Variants in PCDHA8 observed in about 807,000 individuals in gnomAD.
PCDHA8 encodes the protein protocadherin alpha 8, also known as protocadherin alpha-8.
A neutral mutation model predicts 61.8 loss-of-function variants in PCDHA8; 53 were observed. The ratio of observed to expected loss-of-function variants is 0.86; its 90% confidence interval spans 0.69 to 1.08. The LOEUF is 1.08. Ranked by LOEUF, PCDHA8 falls within the 50% of genes least tolerant of loss-of-function variation. The pLI is 0.00. For missense variants in PCDHA8, 1,293 were observed against 1,245.0 expected (o/e 1.04, Z -0.58); for synonymous variants, 618 against 556.6 (o/e 1.11, Z -1.55).
chr5:140,968,637 T>C, intron 1 of PCDHA8: 1 of 1,614,208 alleles, frequency 6.2e-7, no homozygotes. Flanking sequence ...TTTTACCATC[T>C]AGCCCAGACT....
chr5:140,971,529 T>G (rs782358590), intron 1 of PCDHA8, among the ~76,000 whole-genome samples: 1 of 152,176 alleles, frequency 6.6e-6, no homozygotes, highest in East Asian at 1.9e-4. Flanking sequence ...GTTCTGAAAG[T>G]CATCATTGCC....
intron 1 of PCDHA8, among the ~76,000 whole-genome samples, chr5:140,875,095 G>A (rs2055270565): frequency 6.6e-6 from 1 of 152,156 alleles, no homozygotes; most frequent in Non-Finnish European, 1.5e-5. Context: ...AATTGTTGAT[G>A]TTTTGTTACT....
chr5:140,999,877 G>A (rs1194481133), intron 3 of PCDHA8, among the ~76,000 whole-genome samples: 1 of 152,152 alleles, frequency 6.6e-6, no homozygotes, highest in Admixed American at 6.5e-5. Flanking sequence ...CTGAAAATTA[G>A]CCCAGCTGTA....
At chr5:140,900,941 C>T (rs1241522274) in intron 1 of PCDHA8, among the ~76,000 whole-genome samples, 1 of 152,140 alleles carries the variant, frequency 6.6e-6, no homozygotes, top group African/African-American at 2.4e-5. Flanking sequence ...TTTTGATTTG[C>T]ATTTCTCTGA....
chr5:140,875,340 C>A, intron 1 of PCDHA8: 1 of 1,442,242 alleles, frequency 6.9e-7, no homozygotes, highest in Non-Finnish European at 9.1e-7. Flanking sequence ...AGGATCGACT[C>A]CATAATGACT....
chr5:140,924,472 G>A (rs938412564), intron 1 of PCDHA8, among the ~76,000 whole-genome samples: 1 of 152,188 alleles, frequency 6.6e-6, no homozygotes, highest in African/African-American at 2.4e-5. Flanking sequence ...GAGGTAACTG[G>A]TTTTTAGTGG....
chr5:140,877,480 G>A (rs782077464), intron 1 of PCDHA8: 3 of 1,613,888 alleles, frequency 1.9e-6, no homozygotes, highest in Non-Finnish European at 8.5e-7. Context: ...GGTGTCGCTG[G>A]TGGAGAACGG....
rs1554151138 is a variant in PCDHA8, at chr5:140,858,086, C to A, written c.2394+14371C>A. The A allele has an allele frequency of 2.5e-6, 4 of 1,597,802 alleles. 1 individual carries two copies. Among genetic ancestry groups the A allele is most frequent in the Non-Finnish European group, 2.6e-6 (3 of 1,167,670 alleles). On this transcript the variant is annotated intron_variant, in intron 1 of 3. Transcript: ENST00000531613. The stretch of plus-strand genomic sequence containing the variant: ...CAGCCAGGCACCCAAGGCCTCGTCG[C>A]GGGCTTCAGTGGGCGTGGCGCCCGA...
At position 140,858,437 on chromosome 5, in the gene PCDHA8, G is replaced by T. The variant is rs1343643925; in HGVS notation, c.2394+14722G>T. The T allele has an allele frequency of 4.5e-6, 7 of 1,541,950 alleles. 1 individual carries two copies. In the Admixed American group the frequency reaches 1.4e-4, roughly 30 times the overall value. Reference sequence around the variant, plus strand: ...TATTGGAGGGGACCACTCTAGGAAGGTGGGTTATTACGTTTTCATTTTCCT... The same window carrying T: ...TATTGGAGGGGACCACTCTAGGAAGTTGGGTTATTACGTTTTCATTTTCCT... On this transcript the variant is annotated intron_variant, in intron 1 of 3. Coordinates refer to ENST00000531613, the MANE Select transcript of PCDHA8 (RefSeq NM_018911.3).
At chr5:140,968,881 C>A in intron 1 of PCDHA8, 1 of 1,614,154 alleles carries the variant, frequency 6.2e-7, no homozygotes, top group Non-Finnish European at 8.5e-7. Context: ...CTGAAATTAC[C>A]CTTTATCTAA....
chr5:140,850,595 G>A (rs2150490707), intron 1 of PCDHA8: 2 of 1,598,512 alleles, frequency 1.3e-6, no homozygotes, highest in East Asian at 4.5e-5. Flanking sequence ...ACGTGTACCT[G>A]ATCATCGCCA....
intron 1 of PCDHA8, chr5:140,882,370 C>T: frequency 6.2e-7 from 1 of 1,614,220 alleles, no homozygotes; most frequent in Non-Finnish European, 8.5e-7. Context: ...TCCACTACTC[C>T]GTCCCCGAGG....
intron 1 of PCDHA8, among the ~76,000 whole-genome samples, chr5:140,913,185 G>A (rs1331767738): frequency 2.6e-5 from 4 of 152,166 alleles, no homozygotes; most frequent in African/African-American, 9.7e-5. Flanking sequence ...TAAATGTTTG[G>A]TAGAATTTGG....
intron 1 of PCDHA8, among the ~76,000 whole-genome samples, chr5:140,965,210 T>C (rs1554227481): frequency 6.6e-6 from 1 of 152,214 alleles, no homozygotes; most frequent in Non-Finnish European, 1.5e-5. Context: ...TTCAAATTCC[T>C]GTGGAAGAAA....
intron 1 of PCDHA8, among the ~76,000 whole-genome samples, chr5:140,902,478 T>C (rs190206747): frequency 6.6e-6 from 1 of 152,312 alleles, no homozygotes; most frequent in African/African-American, 2.4e-5. Context: ...AGTTTTTGCC[T>C]GCTCAGTATG....
At chr5:140,966,802 G>A in intron 1 of PCDHA8, 4 of 1,542,100 alleles carry the variant, frequency 2.6e-6, no homozygotes, top group Non-Finnish European at 2.6e-6. Context: ...CGGCGACAGA[G>A]CATCCACGGC....
In PCDHA8 at chr5:140,844,652, C is replaced by CA. The variant is rs1162718646; in HGVS notation, c.2394+940dup. 1.0e-4 allele frequency among the ~76,000 whole-genome samples: 15 copies of CA among 149,492 alleles called. 1 individual carries two copies. The highest frequency in any genetic ancestry group is 2.0e-4 in the Admixed American group (3 of 14,904). On this transcript the variant is annotated intron_variant, in intron 1 of 3. Transcript: ENST00000531613. ...ACTATACATGATAATTTCATTCTTG[C>CA]AAACCAAACATATAATTTATAAATC...
Position 141,009,626 on chromosome 5 carries a change from G to C in PCDHA8, c.2543-1G>C, listed in dbSNP as rs782621388. The C allele has an allele frequency of 1.9e-6, 3 of 1,612,816 alleles. No individual in the cohort carries two copies. Among genetic ancestry groups the C allele is most frequent in the Non-Finnish European group, 2.5e-6 (3 of 1,179,228 alleles). On this transcript the variant is annotated splice_acceptor_variant, in intron 3 of 3. Transcript: ENST00000531613. LOFTEE classifies it high-confidence loss of function. ...ATGATTTGTAATGTTTTGTCTTTCA[G>C]AACCAGAGGCAGGAGAAGTGTCCCC...
At chr5:140,885,064 A>T (rs2060452937) in intron 1 of PCDHA8, among the ~76,000 whole-genome samples, 1 of 152,162 alleles carries the variant, frequency 6.6e-6, no homozygotes, top group Non-Finnish European at 1.5e-5. Context: ...TACCCACAAG[A>T]TATTATTTTA....
Sources: allele counts gnomAD v4.1 joint callset (sites outside exome capture counted in the v4.1 genomes callset), GRCh38; gene constraint gnomAD v4.1.1; transcripts MANE v1.5; gene names NCBI Gene and HGNC (gene_info 2026-07-23, HGNC 2026-07-21).